ELAPOR2: variants seen among roughly 807,000 people sequenced by gnomAD.
The protein encoded by ELAPOR2 is endosome/lysosome-associated apoptosis and autophagy regulator family member 2.
Under a neutral mutation model 120.7 loss-of-function variants are expected in ELAPOR2, and 89 were observed. The observed-to-expected ratio is 0.74, with a 90% CI of 0.62 to 0.88. The LOEUF is 0.88. Among genes scored for constraint, ELAPOR2 ranks in the 40% least tolerant of loss-of-function variants. The probability of loss-of-function intolerance (pLI) is 0.00; values close to 1 mark genes in which losing one functional copy is unlikely to be tolerated. For synonymous variants in ELAPOR2, 444 were observed against 444.9 expected (o/e 1.00, Z 0.03); for missense variants, 1,134 against 1,251.6 (o/e 0.91, Z 1.42).
At chr7:86,899,595 C>T (rs1788620384) in intron 18 of ELAPOR2, among the ~76,000 whole-genome samples, 1 of 151,952 alleles carries the variant, frequency 6.6e-6, no homozygotes, top group African/African-American at 2.4e-5. Flanking sequence ...TGTTAGTTAA[C>T]TAAATATATT....
intron 8 of ELAPOR2, among the ~76,000 whole-genome samples, chr7:86,937,893 T>C (rs1053216049): frequency 6.6e-6 from 1 of 152,066 alleles, no homozygotes; most frequent in African/African-American, 2.4e-5. Context: ...ATCCATATTA[T>C]ACAAATAAAA....
At chr7:86,943,919 G>T (rs918004353) in intron 4 of ELAPOR2, among the ~76,000 whole-genome samples, 9 of 151,996 alleles carry the variant, frequency 5.9e-5, no homozygotes, top group African/African-American at 1.9e-4. Flanking sequence ...GTGCCGGAAG[G>T]TTCACTTAAT....
intron 18 of ELAPOR2, among the ~76,000 whole-genome samples, chr7:86,898,247 A>T (rs1412329599): frequency 7.2e-5 from 11 of 152,164 alleles, no homozygotes; most frequent in Admixed American, 7.2e-4. Flanking sequence ...ACAAAATTTC[A>T]CAGATTATAT....
chr7:87,057,877 T>C (rs765543352), intron 1 of ELAPOR2, among the ~76,000 whole-genome samples: 19 of 152,180 alleles, frequency 1.2e-4, no homozygotes, highest in Non-Finnish European at 2.8e-4. Flanking sequence ...ATTCTGCATA[T>C]TAGAAGTTGG....
chr7:87,039,805 C>A (rs1331560813), intron 1 of ELAPOR2, among the ~76,000 whole-genome samples: 1 of 152,154 alleles, frequency 6.6e-6, no homozygotes, highest in East Asian at 1.9e-4. Context: ...GTCTACAGCT[C>A]CCAGCGTGAG....
chr7:86,886,399 T>A (rs994432793), intron 21 of ELAPOR2, among the ~76,000 whole-genome samples: 3 of 152,136 alleles, frequency 2.0e-5, no homozygotes, highest in African/African-American at 7.2e-5. Flanking sequence ...TCTTTACCTT[T>A]ATGGCCTCAC....
intron 1 of ELAPOR2, among the ~76,000 whole-genome samples, chr7:87,011,614 T>G (rs1244812908): frequency 6.6e-6 from 1 of 152,242 alleles, no homozygotes; most frequent in Non-Finnish European, 1.5e-5. Flanking sequence ...AATACAGCCT[T>G]GTTTATCCAG....
chr7:86,962,517 G>A (rs550311263), intron 2 of ELAPOR2, among the ~76,000 whole-genome samples: 1 of 152,274 alleles, frequency 6.6e-6, no homozygotes, highest in African/African-American at 2.4e-5. Flanking sequence ...ATGGAGACCT[G>A]GAAGCTTCTC....
intron 1 of ELAPOR2, among the ~76,000 whole-genome samples, chr7:87,001,249 G>C (rs1385431758): frequency 1.3e-5 from 2 of 152,086 alleles, no homozygotes; most frequent in African/African-American, 4.8e-5. Flanking sequence ...TATTATAATG[G>C]TTGAAGGATA....
chr7:86,924,673 TAAC>T (rs1469567237), intron 10 of ELAPOR2, among the ~76,000 whole-genome samples: 2 of 152,028 alleles, frequency 1.3e-5, no homozygotes, highest in African/African-American at 4.8e-5. Flanking sequence ...CTCATCTGTT[TAAC>T]ATTATTCAAA....
intron 21 of ELAPOR2, among the ~76,000 whole-genome samples, chr7:86,882,717 T>G (rs1281341191): frequency 6.6e-6 from 1 of 152,152 alleles, no homozygotes; most frequent in African/African-American, 2.4e-5. Flanking sequence ...AAAAATCTAT[T>G]GAAATACCAC....
At chr7:86,998,161 A>T (rs1282448004) in intron 1 of ELAPOR2, among the ~76,000 whole-genome samples, 6 of 152,254 alleles carry the variant, frequency 3.9e-5, no homozygotes, top group Non-Finnish European at 8.8e-5. Flanking sequence ...CCTACCCCTC[A>T]AGAGATCACA....
At chr7:86,921,916 G>T (rs1248999741) in intron 10 of ELAPOR2, among the ~76,000 whole-genome samples, 16 of 152,086 alleles carry the variant, frequency 1.1e-4, no homozygotes, top group Non-Finnish European at 1.6e-4. Context: ...AGCCACACCT[G>T]TGAGTTTAAA....
At chr7:87,023,325 C>CT (rs892880549) in intron 1 of ELAPOR2, among the ~76,000 whole-genome samples, 17 of 152,168 alleles carry the variant, frequency 1.1e-4, no homozygotes, top group Non-Finnish European at 2.2e-4. Flanking sequence ...ATAGGGAATC[C>CT]TTTCCCCATT....
At chr7:86,976,933 T>C (rs1314124499) in intron 1 of ELAPOR2, among the ~76,000 whole-genome samples, 1 of 152,208 alleles carries the variant, frequency 6.6e-6, no homozygotes, top group Non-Finnish European at 1.5e-5. Flanking sequence ...CTCTAGGGCC[T>C]GGGGTCCTCA....
chr7:86,972,734 C>G (rs1792148698), intron 1 of ELAPOR2, among the ~76,000 whole-genome samples: 1 of 151,558 alleles, frequency 6.6e-6, no homozygotes, highest in Admixed American at 6.6e-5. Context: ...CCGCTTGAAC[C>G]ACCACCCCCA....
intron 1 of ELAPOR2, among the ~76,000 whole-genome samples, chr7:87,046,340 T>A (rs1044596529): frequency 6.6e-5 from 10 of 152,198 alleles, no homozygotes; most frequent in African/African-American, 2.2e-4. Flanking sequence ...TGTTTATGAA[T>A]TGGAAGAATA....
At chr7:86,898,559 CAAAAAAAAA>C (rs11418158) in intron 18 of ELAPOR2, among the ~76,000 whole-genome samples, 2 of 66,586 alleles carry the variant, frequency 3.0e-5, no homozygotes, top group Non-Finnish European at 5.9e-5. Context: ...ACACAATGAC[CAAAAAAAAA>C]AAAAAAAAAA....
At chr7:86,961,887 G>A (rs978877148) in intron 2 of ELAPOR2, among the ~76,000 whole-genome samples, 3 of 152,194 alleles carry the variant, frequency 2.0e-5, no homozygotes, top group Admixed American at 2.0e-4. Context: ...CCTGGAGCTA[G>A]CGGAGAGGAG....
Sources: allele counts gnomAD v4.1 joint callset (sites outside exome capture counted in the v4.1 genomes callset), GRCh38; gene constraint gnomAD v4.1.1; transcripts MANE v1.5; gene names NCBI Gene and HGNC (gene_info 2026-07-23, HGNC 2026-07-21).